Variants in DPYSL2 observed in about 807,000 individuals in gnomAD.
The protein encoded by DPYSL2 is dihydropyrimidinase-related protein 2.
DPYSL2 carries 13 observed loss-of-function variants against 69.9 expected under a neutral mutation model. The ratio of observed to expected loss-of-function variants is 0.19; its 90% CI spans 0.12 to 0.30. DPYSL2 has a LOEUF of 0.30. Ranked by LOEUF, DPYSL2 falls within the 10% of genes least tolerant of loss-of-function variation. The pLI is 1.00. For synonymous variants in DPYSL2, 326 were observed against 359.1 expected (o/e 0.91, Z 1.04); for missense variants, 587 against 918.9 (o/e 0.64, Z 4.67).
At chr8:26,543,810 A>T (rs1585499146) in intron 1 of DPYSL2, among the ~76,000 whole-genome samples, 1 of 152,138 alleles carries the variant, frequency 6.6e-6, no homozygotes, top group East Asian at 1.9e-4. Flanking sequence ...TTTATCATAC[A>T]TTGTTTGCTC....
chr8:26,616,257 CT>C (rs35446474), intron 3 of DPYSL2, among the ~76,000 whole-genome samples: 2 of 152,038 alleles, frequency 1.3e-5, no homozygotes, highest in African/African-American at 2.4e-5. Flanking sequence ...CTTTTATGCC[CT>C]TTTTTTCAGA....
In DPYSL2 at chr8:26,627,925, G is replaced by C. The variant is rs149211526; in HGVS notation, c.990G>C (p.Leu330=). ...LGITGPEGHV[L]SRPEEVEAEA... ...TCACGGGCCCCGAGGGACATGTGCT[G>C]AGCCGACCTGAGGAGGTGAATGTTC... The change falls in exon 7 of 14, where the codon CTG becomes CTC. Residue 330 remains leucine, a synonymous_variant. Coordinates refer to ENST00000521913, the MANE Select transcript of DPYSL2 (RefSeq NM_001197293.3). This position sits in a 1 kb window ranked among gnomAD's most constrained non-coding sequence, Gnocchi z 6.9. 20 of 1,613,714 alleles carry C rather than the reference G, an allele frequency of 1.2e-5. No individual in the cohort carries two copies. In the Admixed American group the frequency reaches 2.2e-4, roughly 17 times the overall value.
intron 8 of DPYSL2, among the ~76,000 whole-genome samples, chr8:26,638,554 T>C (rs901564013): frequency 2.6e-5 from 4 of 152,156 alleles, no homozygotes; most frequent in African/African-American, 7.2e-5. Context: ...AGAGACACGC[T>C]GAGAGACACG....
At position 26,655,767 on chromosome 8, in the gene DPYSL2, A is replaced by G. The variant is rs968662467; in HGVS notation, c.*61A>G. ...ATGGGACACCTGAGGACATTCTGAG[A>G]CTTCTTTCTTCCTTCCTTTTTTTTT... On this transcript the variant is annotated 3_prime_UTR_variant, in exon 14 of 14. Coordinates refer to ENST00000521913, the MANE Select transcript of DPYSL2 (RefSeq NM_001197293.3). 2 of 1,275,044 alleles carry G rather than the reference A, an allele frequency of 1.6e-6. No homozygotes were observed. The highest frequency in any genetic ancestry group is 1.7e-5 in the South Asian group (1 of 60,582). 79.0% of individuals were successfully genotyped at this position (1,275,044 alleles called of 1,614,324 possible).
At position 26,656,046 on chromosome 8, in the gene DPYSL2, AG is replaced by A. The variant is rs952281339; in HGVS notation, c.*341del. 8.7e-6 allele frequency: 2 copies of A among 229,514 alleles called. No individual in the cohort carries two copies. Among genetic ancestry groups the A allele is most frequent in the African/African-American group, 4.5e-5 (2 of 44,424 alleles). 14.2% of individuals were successfully genotyped at this position (229,514 alleles called of 1,614,324 possible). The stretch of plus-strand genomic sequence containing the variant: ...CGCCTTCAACCTCCTAGTGTCTGTT[AG>A]CATCTTCCTTTTCATGGGGGGAGGG... On this transcript the variant is annotated 3_prime_UTR_variant, in exon 14 of 14. Coordinates refer to ENST00000521913, the MANE Select transcript of DPYSL2 (RefSeq NM_001197293.3).
At position 26,627,291 on chromosome 8, in the gene DPYSL2, C is replaced by T. The variant is rs760503319; in HGVS notation, c.932C>T (p.Ala311Val). Residue 311 changes from alanine (A) to valine (V), a missense_variant, in exon 6 of 14, where the codon GCA (alanine) becomes GTA (valine). This residue lies in a region of DPYSL2 where 452 missense variants were observed against 754.3 expected (regional missense o/e 0.60). Transcript: ENST00000521913. This position sits in a 1 kb window ranked among gnomAD's most constrained non-coding sequence, Gnocchi z 6.9. ...CACGCAGAAAATGGCGACATCATTG[C>T]AGAGGTACAGGGCTTTCTTTTTCGT... ...QVHAENGDII[A>V]EEQQRILDLG... is the part of the protein sequence containing the mutation. The T allele has an allele frequency of 2.5e-6, 4 of 1,614,128 alleles. No homozygotes were observed. The highest frequency in any genetic ancestry group is 2.5e-6 in the Non-Finnish European group (3 of 1,180,002).
At chr8:26,646,347 C>T (rs927841131) in intron 10 of DPYSL2, among the ~76,000 whole-genome samples, 1 of 152,082 alleles carries the variant, frequency 6.6e-6, no homozygotes, top group African/African-American at 2.4e-5. Flanking sequence ...TGTCAAAGTT[C>T]CTTCCAGAAA....
At chr8:26,519,183 A>G (rs1481706710) in intron 1 of DPYSL2, among the ~76,000 whole-genome samples, 3 of 152,228 alleles carry the variant, frequency 2.0e-5, no homozygotes, top group Non-Finnish European at 4.4e-5. Context: ...CAGGCCACGT[A>G]TTCCAGGGTC....
chr8:26,550,232 G>T (rs1800851223), intron 1 of DPYSL2, among the ~76,000 whole-genome samples: 1 of 152,142 alleles, frequency 6.6e-6, no homozygotes, highest in African/African-American at 2.4e-5. Context: ...ACATGGACTT[G>T]TTGTAAGTGT....
At chr8:26,632,706 G>T (rs866489878) in intron 7 of DPYSL2, among the ~76,000 whole-genome samples, 1 of 152,188 alleles carries the variant, frequency 6.6e-6, no homozygotes, top group South Asian at 2.1e-4. Context: ...CTGTATCTCT[G>T]GGAGGTGCTG....
At chr8:26,632,965 G>T (rs1185731912) in intron 7 of DPYSL2, among the ~76,000 whole-genome samples, 2 of 152,218 alleles carry the variant, frequency 1.3e-5, no homozygotes, top group South Asian at 4.1e-4. Context: ...GAATGAAGTT[G>T]TCTCAGCTCT....
Position 26,641,661 on chromosome 8 carries a change from G to A in DPYSL2, c.1127-1778G>A, listed in dbSNP as rs1400538642. Reference sequence around the variant, plus strand: ...AGACTTTGAGCAGGCCAGGAGCCAAGGGGACCCTCCTAGGCCTTCCGAGCA... The same window carrying A: ...AGACTTTGAGCAGGCCAGGAGCCAAAGGGACCCTCCTAGGCCTTCCGAGCA... On this transcript the variant is annotated intron_variant, in intron 8 of 13. Transcript: ENST00000521913. The surrounding 1 kb of genome is among the most constrained non-coding windows in gnomAD (Gnocchi z 4.1). Among the ~76,000 whole-genome samples, 5 of 152,202 alleles carry A rather than the reference G, an allele frequency of 3.3e-5. No homozygotes were observed. The East Asian group carries it at 9.6e-4, about 29-fold the overall frequency.
At chr8:26,630,178 G>A (rs1372867610) in intron 7 of DPYSL2, among the ~76,000 whole-genome samples, 5 of 152,156 alleles carry the variant, frequency 3.3e-5, no homozygotes, top group Admixed American at 6.5e-5. Flanking sequence ...GCACATATGC[G>A]CTTGCACACA....
chr8:26,549,059 G>C (rs549783759), intron 1 of DPYSL2, among the ~76,000 whole-genome samples: 3 of 151,642 alleles, frequency 2.0e-5, no homozygotes, highest in Non-Finnish European at 4.4e-5. Flanking sequence ...GATGGTGGCA[G>C]GTGCCTGTAA....
rs1802617829 is a variant in DPYSL2 at position 26,626,524 on chromosome 8, TAC to T, written c.794-85_794-84del. On this transcript the variant is annotated intron_variant, in intron 4 of 13. Transcript: ENST00000521913. The surrounding 1 kb of genome is among the most constrained non-coding windows in gnomAD (Gnocchi z 4.3). ...ACACACACACACACACACACACACG[TAC>T]ACACACAGACAGTATTATCACTTTC... The T allele has an allele frequency of 3.1e-6, 3 of 957,900 alleles. No individual in the cohort carries two copies. Among genetic ancestry groups the T allele is most frequent in the Non-Finnish European group, 3.2e-6 (2 of 627,338 alleles). 59.3% of individuals were successfully genotyped at this position (957,900 alleles called of 1,614,324 possible).
intron 7 of DPYSL2, among the ~76,000 whole-genome samples, chr8:26,630,572 T>C (rs1485804934): frequency 1.3e-5 from 2 of 151,292 alleles, no homozygotes; most frequent in African/African-American, 4.8e-5. Flanking sequence ...TTTGTAACTG[T>C]CCTGTGCAGG....
At chr8:26,581,353 A>C (rs1801489033) in intron 1 of DPYSL2, among the ~76,000 whole-genome samples, 1 of 150,750 alleles carries the variant, frequency 6.6e-6, no homozygotes, top group Non-Finnish European at 1.5e-5. Context: ...GTTTAGCCAA[A>C]AGCCATTTTA....
chr8:26,535,205 G>A (rs1443120316), intron 1 of DPYSL2, among the ~76,000 whole-genome samples: 1 of 152,118 alleles, frequency 6.6e-6, no homozygotes, highest in Non-Finnish European at 1.5e-5. Context: ...GTGACAGAAG[G>A]AGTGTGAATT....
chr8:26,653,659 G>A lies in DPYSL2; in HGVS notation c.1942+262G>A, dbSNP rs773483865. Among the ~76,000 whole-genome samples the A allele has an allele frequency of 6.6e-6, 1 of 152,154 alleles. No individual in the cohort carries two copies. Among genetic ancestry groups the A allele is most frequent in the South Asian group, 2.1e-4 (1 of 4,830 alleles). On this transcript the variant is annotated intron_variant, in intron 13 of 13. Coordinates refer to ENST00000521913, the MANE Select transcript of DPYSL2 (RefSeq NM_001197293.3). This position sits in a 1 kb window ranked among gnomAD's most constrained non-coding sequence, Gnocchi z 5.7. The stretch of plus-strand genomic sequence containing the variant: ...CTGCAACCTCCACCTCCTGGTTCAA[G>A]TGATTCTCATGTCTCAGCCTCCCAA...
Sources: allele counts gnomAD v4.1 joint callset (sites outside exome capture counted in the v4.1 genomes callset), GRCh38; gene constraint gnomAD v4.1.1; regional missense constraint gnomAD v4.1.1; non-coding constraint Gnocchi (gnomAD v3.1); transcripts MANE v1.5; gene names NCBI Gene and HGNC (gene_info 2026-07-23, HGNC 2026-07-21).